ADAMTSL1: variants seen among roughly 807,000 people sequenced by gnomAD.
ADAMTSL1 encodes ADAMTS like 1, also known as ADAMTS-like protein 1.
ADAMTSL1 carries 126 observed loss-of-function variants against 201.8 expected under a neutral mutation model. That is an observed-to-expected ratio of 0.62 (90% confidence interval 0.54 to 0.72). The LOEUF (loss-of-function observed/expected upper bound fraction) is 0.72, where lower values mean the gene tolerates loss of function less well. ADAMTSL1 is among the 30% of genes least tolerant of loss of function. The probability of loss-of-function intolerance (pLI) is 0.00; values close to 1 mark genes in which losing one functional copy is unlikely to be tolerated. For synonymous variants in ADAMTSL1, 1,121 were observed against 903.4 expected, an observed-to-expected ratio of 1.24 and a Z score of -4.32; for missense variants, 2,679 against 2,277.8, an observed-to-expected ratio of 1.18 and a Z score of -3.59.
At chr9:18,551,771 C>A (rs1587538458) in intron 3 of ADAMTSL1, among the ~76,000 whole-genome samples, 1 of 151,756 alleles carries the variant, frequency 6.6e-6, no homozygotes, top group Admixed American at 6.6e-5. Flanking sequence ...CAGTGCCTGT[C>A]ACATAATAAT....
intron 2 of ADAMTSL1, among the ~76,000 whole-genome samples, chr9:18,168,755 G>A (rs879355102): frequency 5.7e-4 from 82 of 143,160 alleles, no homozygotes; most frequent in Non-Finnish European, 9.0e-4. Flanking sequence ...GTGTAAAAGT[G>A]TTCCTATTTC....
chr9:18,747,510 G>C (rs1465595345), intron 15 of ADAMTSL1, among the ~76,000 whole-genome samples: 1 of 151,884 alleles, frequency 6.6e-6, no homozygotes, highest in Non-Finnish European at 1.5e-5. Flanking sequence ...ATGGCATTGA[G>C]GAATACCCAG....
At position 18,906,734 on chromosome 9, in the gene ADAMTSL1, A is replaced by G; in HGVS notation, c.5004A>G (p.Val1668=). The G allele has an allele frequency of 1.2e-6, 2 of 1,612,726 alleles. No homozygotes were observed. Among genetic ancestry groups the G allele is most frequent in the Non-Finnish European group, 1.7e-6 (2 of 1,179,330 alleles). ...ACTGCTGGTCAGAGGCCTGCAGTGT[A>G]CACTGGAGAGTCAGCCTGTGGACCC... ...TQNCWSEACS[V]HWRVSLWTLC... Residue 1668 remains valine, a synonymous_variant, in exon 28 of 29, where the codon GTA becomes GTG. Transcript: ENST00000380548.
At chr9:18,369,325 A>G (rs1008832985) in intron 2 of ADAMTSL1, among the ~76,000 whole-genome samples, 2 of 152,222 alleles carry the variant, frequency 1.3e-5, no homozygotes, top group Non-Finnish European at 2.9e-5. Context: ...TCACAATTGT[A>G]TCTATATCAT....
chr9:18,681,928 C>T lies in ADAMTSL1; in HGVS notation c.1458C>T (p.Cys486=). The T allele has an allele frequency of 6.2e-7, 1 of 1,614,166 alleles. No individual in the cohort carries two copies. Among genetic ancestry groups the T allele is most frequent in the Non-Finnish European group, 8.5e-7 (1 of 1,180,024 alleles). The change falls in exon 12 of 29, where the codon TGC becomes TGT. Residue 486 remains cysteine (C), a synonymous_variant. Transcript: ENST00000380548. ...PKTKPHIKEE[C]IVPTPCYKPK... is the part of the protein sequence containing the mutation. ...CAAAGCCCCACATAAAAGAGGAATG[C>T]ATCGTACCCACTCCCTGCTATAAAC...
chr9:18,840,451 G>C (rs1053455792), intron 23 of ADAMTSL1, among the ~76,000 whole-genome samples: 1 of 152,192 alleles, frequency 6.6e-6, no homozygotes, highest in African/African-American at 2.4e-5. Flanking sequence ...TTCTGGTATA[G>C]TTTGAAGTCA....
intron 19 of ADAMTSL1, among the ~76,000 whole-genome samples, chr9:18,784,671 C>G (rs142847943): frequency 1.2e-4 from 19 of 152,296 alleles, no homozygotes; most frequent in African/African-American, 3.8e-4. Context: ...TATCACATCC[C>G]GTCTCCCACC....
intron 1 of ADAMTSL1, among the ~76,000 whole-genome samples, chr9:18,037,672 A>T (rs1262527457): frequency 1.3e-5 from 2 of 152,156 alleles, no homozygotes; most frequent in Non-Finnish European, 2.9e-5. Flanking sequence ...ATTCCAGCCT[A>T]TTGGAACCCA....
chr9:18,014,858 G>A (rs909905572), intron 1 of ADAMTSL1, among the ~76,000 whole-genome samples: 1 of 152,006 alleles, frequency 6.6e-6, no homozygotes, highest in African/African-American at 2.4e-5. Flanking sequence ...TATGCAGCTT[G>A]TGGAAAATCA....
At chr9:17,978,336 T>C (rs184764442) in intron 1 of ADAMTSL1, among the ~76,000 whole-genome samples, 184 of 152,206 alleles carry the variant, frequency 1.2e-3, no homozygotes, top group Non-Finnish European at 2.0e-3. Flanking sequence ...TTGTGTCCAT[T>C]GTTTTCTGGC....
intron 1 of ADAMTSL1, among the ~76,000 whole-genome samples, chr9:18,074,537 CTCTCTTCTTT>C (rs1823121347): frequency 2.1e-5 from 2 of 93,076 alleles, no homozygotes; most frequent in Non-Finnish European, 5.1e-5. Context: ...TTCTTTTCTT[CTCTCTTCTTT>C]TCTCTTCTCT....
intron 26 of ADAMTSL1, among the ~76,000 whole-genome samples, chr9:18,898,066 G>A (rs1008657143): frequency 1.3e-5 from 2 of 151,512 alleles, no homozygotes; most frequent in East Asian, 1.9e-4. Flanking sequence ...GCGGGCACCT[G>A]TAGCCCCAAC....
chr9:18,007,270 C>G (rs1200505925), intron 1 of ADAMTSL1, among the ~76,000 whole-genome samples: 1 of 152,012 alleles, frequency 6.6e-6, no homozygotes, highest in Non-Finnish European at 1.5e-5. Flanking sequence ...CAATGCTGCT[C>G]TTGATGTTTC....
intron 2 of ADAMTSL1, among the ~76,000 whole-genome samples, chr9:18,366,524 G>A (rs765474278): frequency 4.0e-5 from 6 of 151,364 alleles, no homozygotes; most frequent in South Asian, 4.2e-4. Context: ...AAAGTTGGTG[G>A]CATTTCATAA....
intron 3 of ADAMTSL1, among the ~76,000 whole-genome samples, chr9:18,545,076 C>G (rs960796638): frequency 6.6e-6 from 1 of 152,134 alleles, no homozygotes; most frequent in Admixed American, 6.5e-5. Context: ...TGATTACATA[C>G]CTCAGAGAGA....
chr9:18,785,708 G>C (rs1350221723), intron 19 of ADAMTSL1, among the ~76,000 whole-genome samples: 1 of 152,134 alleles, frequency 6.6e-6, no homozygotes, highest in African/African-American at 2.4e-5. Flanking sequence ...AAAGAACCTG[G>C]TAAATTTTCC....
At chr9:18,865,166 A>C (rs568445427) in intron 23 of ADAMTSL1, among the ~76,000 whole-genome samples, 91 of 152,156 alleles carry the variant, frequency 6.0e-4, no homozygotes, top group African/African-American at 2.1e-3. Flanking sequence ...CATTAGGTAT[A>C]TCTCCTAATG....
chr9:18,825,812 G>A (rs1359909417), intron 21 of ADAMTSL1, among the ~76,000 whole-genome samples: 1 of 151,542 alleles, frequency 6.6e-6, no homozygotes, highest in African/African-American at 2.4e-5. Flanking sequence ...TATACAGTAT[G>A]TACTCTTGTG....
chr9:18,725,835 A>G (rs1817856442), intron 15 of ADAMTSL1, among the ~76,000 whole-genome samples: 1 of 152,240 alleles, frequency 6.6e-6, no homozygotes, highest in South Asian at 2.1e-4. Context: ...AAGAAGATAT[A>G]CAAATAGATA....
Sources: gnomAD v4.1 joint callset for allele counts (sites outside exome capture counted in the v4.1 genomes callset) on GRCh38, gnomAD v4.1.1 for gene constraint, MANE v1.5 for transcripts, NCBI Gene and HGNC (gene_info 2026-07-23, HGNC 2026-07-21) for gene names.